PDCD1LG2: variants seen among roughly 807,000 people sequenced by gnomAD.
PDCD1LG2 encodes programmed cell death 1 ligand 2, also known as B7 dendritic cell molecule.
A neutral mutation model predicts 28.2 loss-of-function variants in PDCD1LG2; 32 were observed. That is an observed-to-expected ratio of 1.13 (90% CI 0.86 to 1.52). The LOEUF is 1.52. Ranked by LOEUF, PDCD1LG2 falls within the 40% of genes most tolerant of loss-of-function variation. The probability of loss-of-function intolerance (pLI) is 0.00; values close to 1 mark genes in which losing one functional copy is unlikely to be tolerated. For synonymous variants in PDCD1LG2, 116 were observed against 120.2 expected (o/e 0.97, Z 0.23); for missense variants, 385 against 323.8 (o/e 1.19, Z -1.45).
chr9:5,514,151 G>C (rs548283295), intron 1 of PDCD1LG2, among the ~76,000 whole-genome samples: 1 of 152,202 alleles, frequency 6.6e-6, no homozygotes, highest in African/African-American at 2.4e-5. Context: ...TAGGATTCTT[G>C]AGATACTTCC....
chr9:5,530,241 C>T (rs1820456402), intron 2 of PDCD1LG2, among the ~76,000 whole-genome samples: 1 of 152,082 alleles, frequency 6.6e-6, no homozygotes, highest in African/African-American at 2.4e-5. Flanking sequence ...AGCAAAAGGA[C>T]CTGCATACAT....
chr9:5,553,476 G>A (rs1373848323), intron 4 of PDCD1LG2, among the ~76,000 whole-genome samples: 8 of 152,162 alleles, frequency 5.3e-5, no homozygotes, highest in Non-Finnish European at 5.9e-5. Flanking sequence ...CTAGAAAGAC[G>A]CTTCTTATAT....
Position 5,570,330 on chromosome 9 carries a change from G to C in PDCD1LG2, c.*371G>C, listed in dbSNP as rs1215191421. Reference sequence around the variant, plus strand: ...GTGATTTCCAAAAGCAGAGGTGTGTGGAAATTTCCAGTAACAGAAACAGAT... The same window carrying C: ...GTGATTTCCAAAAGCAGAGGTGTGTCGAAATTTCCAGTAACAGAAACAGAT... On this transcript the variant is annotated 3_prime_UTR_variant, in exon 7 of 7. Coordinates refer to ENST00000397747, the MANE Select transcript of PDCD1LG2 (RefSeq NM_025239.4). 7 of 262,154 alleles carry C rather than the reference G, an allele frequency of 2.7e-5. No individual in the cohort carries two copies. 16.2% of individuals were successfully genotyped at this position (262,154 alleles called of 1,614,324 possible).
chr9:5,552,745 G>A (rs1299867521), intron 4 of PDCD1LG2, among the ~76,000 whole-genome samples: 1 of 152,064 alleles, frequency 6.6e-6, no homozygotes, highest in Non-Finnish European at 1.5e-5. Flanking sequence ...AACTTTCCTG[G>A]TATTTTCTTC....
intron 3 of PDCD1LG2, among the ~76,000 whole-genome samples, chr9:5,542,653 G>A (rs1265978075): frequency 6.6e-6 from 1 of 152,132 alleles, no homozygotes; most frequent in Non-Finnish European, 1.5e-5. Flanking sequence ...CCTTACTCCT[G>A]CAAGAATGGC....
intron 2 of PDCD1LG2, among the ~76,000 whole-genome samples, chr9:5,533,139 G>C (rs1440547396): frequency 6.6e-6 from 1 of 152,196 alleles, no homozygotes; most frequent in Non-Finnish European, 1.5e-5. Context: ...TTGAATGAAT[G>C]AATAAATGAA....
intron 2 of PDCD1LG2, among the ~76,000 whole-genome samples, chr9:5,527,859 C>T (rs1055025038): frequency 2.0e-5 from 3 of 151,598 alleles, no homozygotes; most frequent in African/African-American, 4.8e-5. Context: ...GACAGAGTTT[C>T]GCTCTGTCAC....
At chr9:5,516,508 T>G (rs572281567) in intron 1 of PDCD1LG2, among the ~76,000 whole-genome samples, 4 of 152,352 alleles carry the variant, frequency 2.6e-5, no homozygotes, top group African/African-American at 9.6e-5. Flanking sequence ...GGGCCATCCC[T>G]GGCTTGAAGG....
chr9:5,535,375 C>G (rs1820560337), intron 3 of PDCD1LG2, among the ~76,000 whole-genome samples: 2 of 152,144 alleles, frequency 1.3e-5, no homozygotes, highest in South Asian at 4.1e-4. Context: ...ACATCCCTGA[C>G]TTGATTATTA....
intron 2 of PDCD1LG2, among the ~76,000 whole-genome samples, chr9:5,524,937 C>T (rs898802482): frequency 1.3e-5 from 2 of 152,166 alleles, no homozygotes; most frequent in Non-Finnish European, 2.9e-5. Context: ...CTTCCTTGCT[C>T]CTTGTACAGC....
chr9:5,535,956 T>A (rs1209196404), intron 3 of PDCD1LG2, among the ~76,000 whole-genome samples: 1 of 152,246 alleles, frequency 6.6e-6, no homozygotes, highest in African/African-American at 2.4e-5. Context: ...CAGGCTTGAA[T>A]GCTCTGAGAT....
chr9:5,516,091 A>G (rs1820156488), intron 1 of PDCD1LG2, among the ~76,000 whole-genome samples: 1 of 151,822 alleles, frequency 6.6e-6, no homozygotes, highest in Non-Finnish European at 1.5e-5. Context: ...TCACTCTGTC[A>G]CCAGGGCTGG....
rs114500534 is a variant in PDCD1LG2 at position 5,557,793 on chromosome 9, T to A, written c.766+41T>A. 5.3e-4 allele frequency: 856 copies of A among 1,607,830 alleles called. 5 individuals carry two copies. The African/African-American group carries it at 0.01, about 19-fold the overall frequency. On this transcript the variant is annotated intron_variant, in intron 5 of 6. Transcript: ENST00000397747. The stretch of plus-strand genomic sequence containing the variant: ...TCATGGTAACCCAATGCACTGGGTG[T>A]CTGCAGCATGAGCCACTGCTTTGCA...
intron 3 of PDCD1LG2, among the ~76,000 whole-genome samples, chr9:5,545,615 T>C (rs1323139525): frequency 6.6e-6 from 1 of 152,190 alleles, no homozygotes. Flanking sequence ...CATTTAACAG[T>C]ATAGCTTCAA....
rs2129923006 is a variant in PDCD1LG2 at position 5,557,772 on chromosome 9, G to A, written c.766+20G>A. The A allele has an allele frequency of 6.2e-7, 1 of 1,613,326 alleles. No individual in the cohort carries two copies. Among genetic ancestry groups the A allele is most frequent in the Non-Finnish European group, 8.5e-7 (1 of 1,179,382 alleles). The stretch of plus-strand genomic sequence containing the variant: ...CAAAAGGTAAGTGAGTTTTATTCAT[G>A]GTAACCCAATGCACTGGGTGTCTGC... On this transcript the variant is annotated intron_variant, in intron 5 of 6. Coordinates refer to ENST00000397747, the MANE Select transcript of PDCD1LG2 (RefSeq NM_025239.4).
rs1249687076 is a variant in PDCD1LG2, at chr9:5,570,008, C to A, written c.*49C>A. ...TGACCTGATATGACATCTAAAGAAG[C>A]TTCTGGACTCTGAACAAGAATTCGG... On this transcript the variant is annotated 3_prime_UTR_variant, in exon 7 of 7. Transcript: ENST00000397747. 6.2e-7 allele frequency: 1 copy of A among 1,612,842 alleles called. No homozygotes were observed. The highest frequency in any genetic ancestry group is 8.5e-7 in the Non-Finnish European group (1 of 1,178,982).
intron 1 of PDCD1LG2, among the ~76,000 whole-genome samples, chr9:5,521,024 T>C (rs981653313): frequency 1.3e-5 from 2 of 152,218 alleles, no homozygotes; most frequent in African/African-American, 4.8e-5. Context: ...TGGAATATTA[T>C]TTAGTCACAA....
intron 2 of PDCD1LG2, among the ~76,000 whole-genome samples, chr9:5,524,065 A>T (rs1820326196): frequency 6.6e-6 from 1 of 152,242 alleles, no homozygotes; most frequent in Non-Finnish European, 1.5e-5. Flanking sequence ...ATTTACATTT[A>T]TTGAAGATTC....
intron 5 of PDCD1LG2, among the ~76,000 whole-genome samples, 164 bp downstream of exon 5, chr9:5,557,916 T>C (rs1018280757): frequency 3.3e-5 from 5 of 152,166 alleles, no homozygotes; most frequent in Admixed American, 1.3e-4. Flanking sequence ...CAGAAGAAAA[T>C]GGCTCTCATC....
Sources: allele counts gnomAD v4.1 joint callset (sites outside exome capture counted in the v4.1 genomes callset), GRCh38; gene constraint gnomAD v4.1.1; transcripts MANE v1.5; gene names NCBI Gene and HGNC (gene_info 2026-07-23, HGNC 2026-07-21).